GRIK2: variants seen among roughly 807,000 people sequenced by gnomAD.
GRIK2 encodes the protein glutamate receptor ionotropic, kainate 2.
In GRIK2, 32 loss-of-function variants were observed where a neutral mutation model predicts 100.3. The observed-to-expected ratio is 0.32, with a 90% confidence interval of 0.24 to 0.43. The LOEUF (loss-of-function observed/expected upper bound fraction) is 0.43. GRIK2 is among the 20% of genes least tolerant of loss of function. GRIK2 has a pLI of 1.00. For missense variants in GRIK2, 843 were observed against 1,114.9 expected, an observed-to-expected ratio of 0.76 and a Z score of 3.47; for synonymous variants, 417 against 389.4, an observed-to-expected ratio of 1.07 and a Z score of -0.83.
At position 102,055,484 on chromosome 6, in the gene GRIK2, C is replaced by T. The variant is rs1306506987; in HGVS notation, c.2466C>T (p.Gly822=). Residue 822 remains glycine, a synonymous_variant, in exon 16 of 17, where the codon GGC becomes GGT. Transcript: ENST00000369134. The part of the protein sequence containing the change: ...ASALGVQNIG[G]IFIVLAAGLV... ...CCCTGGGGGTTCAGAATATTGGTGG[C>T]ATCTTCATTGTTCTGGCAGCCGGCT... 1.9e-6 allele frequency: 3 copies of T among 1,613,514 alleles called. No homozygotes were observed. The highest frequency in any genetic ancestry group is 2.5e-6 in the Non-Finnish European group (3 of 1,179,610).
At chr6:101,669,942 C>T (rs1228350859) in intron 4 of GRIK2, among the ~76,000 whole-genome samples, 1 of 151,874 alleles carries the variant, frequency 6.6e-6, no homozygotes, top group African/African-American at 2.4e-5. Flanking sequence ...TGGGACAGAA[C>T]AAGAGAGGCT....
At chr6:101,902,972 T>C (rs1787970601) in intron 12 of GRIK2, among the ~76,000 whole-genome samples, 1 of 151,840 alleles carries the variant, frequency 6.6e-6, no homozygotes, top group Non-Finnish European at 1.5e-5. Flanking sequence ...AAAGGTGTTA[T>C]CAAGGAACCT....
At chr6:101,907,620 G>A (rs1788320814) in intron 12 of GRIK2, among the ~76,000 whole-genome samples, 1 of 151,614 alleles carries the variant, frequency 6.6e-6, no homozygotes, top group Non-Finnish European at 1.5e-5. Flanking sequence ...TCTTGAGCAT[G>A]CAGGACTTTA....
chr6:101,483,040 G>T (rs889014036), intron 2 of GRIK2, among the ~76,000 whole-genome samples: 1 of 152,156 alleles, frequency 6.6e-6, no homozygotes, highest in Admixed American at 6.6e-5. Context: ...TATTAGCTGT[G>T]CAATTTAAAG....
intron 15 of GRIK2, among the ~76,000 whole-genome samples, chr6:102,047,008 A>T (rs1194193131): frequency 6.6e-6 from 1 of 152,160 alleles, no homozygotes; most frequent in Non-Finnish European, 1.5e-5. Context: ...AAATATATTG[A>T]AACAAATGAC....
At chr6:101,847,043 T>A (rs1783854267) in intron 10 of GRIK2, among the ~76,000 whole-genome samples, 1 of 151,950 alleles carries the variant, frequency 6.6e-6, no homozygotes. Context: ...ACCTGCAGGT[T>A]TAGTTTGATC....
At chr6:101,779,365 T>C (rs2128401090) in intron 7 of GRIK2, among the ~76,000 whole-genome samples, 1 of 152,324 alleles carries the variant, frequency 6.6e-6, no homozygotes, top group Middle Eastern at 3.4e-3. Context: ...AATAAGCTAG[T>C]AAGAAGGTTA....
At position 101,657,297 on chromosome 6, in the gene GRIK2, C is replaced by G. The variant is rs538992722; in HGVS notation, c.542-19326C>G. ...CTGATATTTTTACAAGGGGCTCTTC[C>G]CCCTTTGCTCCTCACACTTCTCTGT... On this transcript the variant is annotated intron_variant, in intron 4 of 16. Transcript: ENST00000369134. Among the ~76,000 whole-genome samples, 90 of 152,204 alleles carry G rather than the reference C, an allele frequency of 5.9e-4. 1 individual carries two copies. The highest frequency in any genetic ancestry group is 1.0e-3 in the South Asian group (5 of 4,828).
chr6:101,971,723 GT>G (rs757061762), intron 14 of GRIK2, among the ~76,000 whole-genome samples: 3 of 151,828 alleles, frequency 2.0e-5, no homozygotes, highest in Non-Finnish European at 4.4e-5. Flanking sequence ...CCAATAGGTA[GT>G]TTTTCACCCA....
At chr6:102,058,507 G>C (rs1218477196) in intron 16 of GRIK2, among the ~76,000 whole-genome samples, 1 of 151,578 alleles carries the variant, frequency 6.6e-6, no homozygotes, top group East Asian at 1.9e-4. Flanking sequence ...TAATGGAAAT[G>C]ATTCATTTTA....
In GRIK2 at chr6:102,055,261, A is replaced by T. The variant is rs535882387; in HGVS notation, c.2312-69A>T. On this transcript the variant is annotated intron_variant, in intron 15 of 16. Transcript: ENST00000369134. The stretch of plus-strand genomic sequence containing the variant: ...TTTGAAAAATCTCTGCCCTCCTCTC[A>T]TCTTGCTAACCTTTAATTATGAAAT... 5 of 1,258,450 alleles carry T rather than the reference A, an allele frequency of 4.0e-6. No individual in the cohort carries two copies. The African/African-American group carries it at 7.4e-5, about 19-fold the overall frequency. The allele number at this position is 1,258,450 out of a possible 1,614,324, so 78.0% of individuals were successfully genotyped here.
chr6:101,822,295 G>A (rs544131670), intron 10 of GRIK2, among the ~76,000 whole-genome samples: 2 of 151,120 alleles, frequency 1.3e-5, no homozygotes. Flanking sequence ...ATGATACGGT[G>A]CCTTAATATA....
At chr6:101,595,599 C>T (rs574240132) in intron 2 of GRIK2, among the ~76,000 whole-genome samples, 273 of 151,218 alleles carry the variant, frequency 1.8e-3, no homozygotes, top group Non-Finnish European at 3.1e-3. Flanking sequence ...TATACACACA[C>T]ACAGGTACAA....
chr6:101,806,153 G>C (rs984906827), intron 9 of GRIK2, among the ~76,000 whole-genome samples: 13 of 151,990 alleles, frequency 8.6e-5, no homozygotes, highest in Non-Finnish European at 1.6e-4. Context: ...GGGCAAGAAG[G>C]GGGAAAGACA....
At chr6:101,966,153 T>A (rs2128484271) in intron 14 of GRIK2, among the ~76,000 whole-genome samples, 1 of 152,240 alleles carries the variant, frequency 6.6e-6, no homozygotes, top group South Asian at 2.1e-4. Flanking sequence ...GAATGTATAT[T>A]TTACATGGCA....
At chr6:101,593,739 T>C (rs888373590) in intron 2 of GRIK2, among the ~76,000 whole-genome samples, 3 of 151,904 alleles carry the variant, frequency 2.0e-5, no homozygotes, top group Non-Finnish European at 4.4e-5. Context: ...AGTTGACTTT[T>C]TCATTTTTTA....
intron 2 of GRIK2, among the ~76,000 whole-genome samples, chr6:101,573,915 A>T (rs1436108217): frequency 6.6e-6 from 1 of 152,110 alleles, no homozygotes; most frequent in Non-Finnish European, 1.5e-5. Context: ...TTAATTTATA[A>T]AAATCTTTTG....
At chr6:101,777,179 T>C (rs1451449082) in intron 7 of GRIK2, among the ~76,000 whole-genome samples, 1 of 152,198 alleles carries the variant, frequency 6.6e-6, no homozygotes, top group Non-Finnish European at 1.5e-5. Flanking sequence ...GGGAGAATTG[T>C]CTCTGACAAT....
chr6:102,041,009 CAAAT>C (rs995535797), intron 15 of GRIK2, among the ~76,000 whole-genome samples: 13 of 151,502 alleles, frequency 8.6e-5, no homozygotes, highest in African/African-American at 1.9e-4. Flanking sequence ...ACTGAATTAA[CAAAT>C]AAACTCAAAT....
Sources: allele counts gnomAD v4.1 joint callset (sites outside exome capture counted in the v4.1 genomes callset), GRCh38; gene constraint gnomAD v4.1.1; transcripts MANE v1.5; gene names NCBI Gene and HGNC (gene_info 2026-07-23, HGNC 2026-07-21).